The following ADAMTS17 variants were observed in gnomAD, a reference collection of about 807,000 sequenced individuals.
ADAMTS17 encodes ADAM metallopeptidase with thrombospondin type 1 motif 17, also known as A disintegrin and metalloproteinase with thrombospondin motifs 17.
In ADAMTS17, 113 loss-of-function variants were observed where a neutral mutation model predicts 141.5. The ratio of observed to expected loss-of-function variants is 0.80; its 90% CI spans 0.69 to 0.93. ADAMTS17 has a LOEUF of 0.93. ADAMTS17 is among the 40% of genes least tolerant of loss of function. The pLI, the probability that ADAMTS17 is intolerant of heterozygous loss-of-function variation, is 0.00. For synonymous variants in ADAMTS17, 768 were observed against 630.6 expected (o/e 1.22, Z -3.27); for missense variants, 1,659 against 1,517.9 (o/e 1.09, Z -1.54).
At chr15:100,150,361 C>A (rs2039102969) in intron 10 of ADAMTS17, among the ~76,000 whole-genome samples, 1 of 152,182 alleles carries the variant, frequency 6.6e-6, no homozygotes, top group African/African-American at 2.4e-5. Flanking sequence ...CCTTTCCTCC[C>A]TCAGTAACAG....
At chr15:100,028,661 C>G (rs542238440) in intron 18 of ADAMTS17, among the ~76,000 whole-genome samples, 1 of 152,240 alleles carries the variant, frequency 6.6e-6, no homozygotes, top group African/African-American at 2.4e-5. Context: ...GTCGTACAGA[C>G]AGGTTGAGTG....
intron 15 of ADAMTS17, among the ~76,000 whole-genome samples, chr15:100,064,908 G>T (rs918190732): frequency 2.0e-5 from 3 of 152,210 alleles, no homozygotes; most frequent in Non-Finnish European, 4.4e-5. Flanking sequence ...CTGCGATTCA[G>T]ATGAGGATCT....
intron 10 of ADAMTS17, among the ~76,000 whole-genome samples, chr15:100,137,753 C>G (rs1184129492): frequency 6.6e-6 from 1 of 152,204 alleles, no homozygotes; most frequent in Non-Finnish European, 1.5e-5. Flanking sequence ...GTGATGAGCA[C>G]ATGCAAGGGT....
At position 100,262,576 on chromosome 15, in the gene ADAMTS17, A is replaced by T. The variant is rs531220153; in HGVS notation, c.790-141T>A. The T allele has an allele frequency of 6.6e-6, 4 of 608,596 alleles. No individual in the cohort carries two copies. In the East Asian group the frequency reaches 1.3e-4, roughly 19 times the overall value. 37.7% of individuals were successfully genotyped at this position (608,596 alleles called of 1,614,324 possible). ...AGAAATAAAGCGTAGACTTTAGTTTATAACACTGTATCAGTATTGGTGCAT... is the reference window on the plus strand; with the variant it reads ...AGAAATAAAGCGTAGACTTTAGTTTTTAACACTGTATCAGTATTGGTGCAT... On this transcript the variant is annotated intron_variant, in intron 4 of 21. Coordinates refer to ENST00000268070, the MANE Select transcript of ADAMTS17 (RefSeq NM_139057.4).
At chr15:100,177,864 T>G (rs1350236297) in intron 8 of ADAMTS17, among the ~76,000 whole-genome samples, 2 of 152,158 alleles carry the variant, frequency 1.3e-5, no homozygotes, top group Non-Finnish European at 2.9e-5. Flanking sequence ...CGTTAAAGGT[T>G]GTTGTATCTT....
intron 11 of ADAMTS17, among the ~76,000 whole-genome samples, chr15:100,132,841 T>G (rs141931731): frequency 6.6e-6 from 1 of 152,336 alleles, no homozygotes; most frequent in East Asian, 1.9e-4. Context: ...CTCTCAACAT[T>G]TAGCTAGAAT....
intron 3 of ADAMTS17, among the ~76,000 whole-genome samples, chr15:100,303,015 T>C (rs933546068): frequency 6.6e-6 from 1 of 151,566 alleles, no homozygotes; most frequent in Non-Finnish European, 1.5e-5. Context: ...TTGGACTGGC[T>C]CTCCTTACTC....
At chr15:99,996,434 C>T (rs112126551) in intron 19 of ADAMTS17, among the ~76,000 whole-genome samples, 4,200 of 152,220 alleles carry the variant, frequency 0.028, 186 homozygotes, top group African/African-American at 0.094. Context: ...AACTGACAAA[C>T]GTAAGCATAG....
chr15:100,046,299 T>G (rs2031679520), intron 18 of ADAMTS17, among the ~76,000 whole-genome samples: 1 of 152,312 alleles, frequency 6.6e-6, no homozygotes, highest in African/African-American at 2.4e-5. Context: ...GAATCCTTTA[T>G]TTTAAAATCT....
chr15:100,103,704 T>C (rs2036257776), intron 14 of ADAMTS17, among the ~76,000 whole-genome samples: 1 of 152,096 alleles, frequency 6.6e-6, no homozygotes. Context: ...TCAGCCTCCT[T>C]AGCTGGAATT....
At chr15:100,306,705 C>T (rs549346346) in intron 3 of ADAMTS17, 2 of 392,356 alleles carry the variant, frequency 5.1e-6, no homozygotes, top group Non-Finnish European at 1.0e-5. Context: ...GGGACTGAGA[C>T]AGCAGTCAGC....
intron 3 of ADAMTS17, among the ~76,000 whole-genome samples, chr15:100,304,490 C>T (rs564269284): frequency 6.6e-6 from 1 of 152,220 alleles, no homozygotes; most frequent in East Asian, 1.9e-4. Context: ...TTCAAACTTC[C>T]CGAAGTCTTC....
intron 8 of ADAMTS17, among the ~76,000 whole-genome samples, chr15:100,160,566 G>C (rs1330159813): frequency 6.6e-6 from 1 of 152,226 alleles, no homozygotes; most frequent in Non-Finnish European, 1.5e-5. Flanking sequence ...GGTGATTGAG[G>C]AGACACACAG....
chr15:100,160,506 G>T (rs1335372570), intron 8 of ADAMTS17, among the ~76,000 whole-genome samples: 4 of 152,212 alleles, frequency 2.6e-5, no homozygotes, highest in South Asian at 4.1e-4. Context: ...GTTATCAAAT[G>T]AAAGGGGCTC....
intron 11 of ADAMTS17, among the ~76,000 whole-genome samples, chr15:100,132,987 A>C (rs2038130896): frequency 6.6e-6 from 1 of 152,234 alleles, no homozygotes; most frequent in Non-Finnish European, 1.5e-5. Flanking sequence ...AAAGGAGTTA[A>C]TCTAACAAAA....
rs369848305 is a variant in ADAMTS17 at position 100,073,611 on chromosome 15, T to C, written c.2138-19557A>G. Among the ~76,000 whole-genome samples the C allele has an allele frequency of 2.6e-5, 4 of 151,986 alleles. No homozygotes were observed. In the South Asian group the frequency reaches 6.3e-4, roughly 24 times the overall value. ...AAAAATGATGAGTTCATGTCCTTTGTAGGGACATGGATGAAGCTGGAAACC... is the reference window on the plus strand; with the variant it reads ...AAAAATGATGAGTTCATGTCCTTTGCAGGGACATGGATGAAGCTGGAAACC... On this transcript the variant is annotated intron_variant, in intron 15 of 21. Transcript: ENST00000268070.
At chr15:100,313,639 G>A (rs1009978732) in intron 3 of ADAMTS17, among the ~76,000 whole-genome samples, 2 of 152,226 alleles carry the variant, frequency 1.3e-5, no homozygotes, top group African/African-American at 2.4e-5. Context: ...CCAATAATGG[G>A]ACAGACATAC....
chr15:100,174,066 G>A (rs779239616), intron 8 of ADAMTS17, among the ~76,000 whole-genome samples: 5 of 152,202 alleles, frequency 3.3e-5, no homozygotes, highest in Non-Finnish European at 7.3e-5. Context: ...TCTTTACAAT[G>A]TGACAGAGCT....
At chr15:100,182,806 T>G (rs1389153062) in intron 8 of ADAMTS17, among the ~76,000 whole-genome samples, 1 of 152,202 alleles carries the variant, frequency 6.6e-6, no homozygotes, top group Non-Finnish European at 1.5e-5. Flanking sequence ...GTTTTTTCTT[T>G]AAGGAATTTA....
Sources: allele counts gnomAD v4.1 joint callset (sites outside exome capture counted in the v4.1 genomes callset), GRCh38; gene constraint gnomAD v4.1.1; transcripts MANE v1.5; gene names NCBI Gene and HGNC (gene_info 2026-07-23, HGNC 2026-07-21).